DDX60L: variants seen among roughly 807,000 people sequenced by gnomAD.
DDX60L encodes the protein DExD/H-box 60 like.
DDX60L carries 191 observed loss-of-function variants against 211.6 expected under a neutral mutation model. The observed-to-expected ratio is 0.90, with a 90% CI of 0.80 to 1.02. DDX60L has a LOEUF of 1.02. Ranked by LOEUF, DDX60L falls within the 50% of genes least tolerant of loss-of-function variation. The pLI is 0.00. For synonymous variants in DDX60L, 706 were observed against 694.1 expected (o/e 1.02, Z -0.27); for missense variants, 2,007 against 1,984.1 (o/e 1.01, Z -0.22).
chr4:168,371,939 G>A (rs865784727), intron 35 of DDX60L, among the ~76,000 whole-genome samples, 176 bp from the exon 36 acceptor site: 1 of 152,134 alleles, frequency 6.6e-6, no homozygotes, highest in African/African-American at 2.4e-5. Flanking sequence ...GCCCATTACA[G>A]TGAGGGAAAG....
intron 34 of DDX60L, among the ~76,000 whole-genome samples, chr4:168,374,559 C>T (rs577151852): frequency 2.6e-5 from 4 of 152,288 alleles, no homozygotes; most frequent in East Asian, 1.9e-4. Context: ...ATATTTGCAA[C>T]GTCTGCTAGA....
intron 10 of DDX60L, among the ~76,000 whole-genome samples, chr4:168,434,712 T>C (rs543670972): frequency 3.9e-4 from 60 of 152,276 alleles, no homozygotes; most frequent in African/African-American, 1.4e-3. Context: ...GGTCATAGTG[T>C]TCCTAGAAAA....
chr4:168,479,281 C>T (rs1182345676), intron 1 of DDX60L, among the ~76,000 whole-genome samples: 1 of 152,178 alleles, frequency 6.6e-6, no homozygotes, highest in East Asian at 1.9e-4. Context: ...GGAAGCATAA[C>T]TCACCCTCAT....
chr4:168,478,989 A>T (rs1759992063), intron 1 of DDX60L, among the ~76,000 whole-genome samples: 5 of 152,242 alleles, frequency 3.3e-5, no homozygotes, highest in Admixed American at 3.3e-4. Context: ...ACTAAGTAAG[A>T]CTGACAGGTA....
At chr4:168,390,635 G>GT in intron 29 of DDX60L, 2 of 560,764 alleles carry the variant, frequency 3.6e-6, no homozygotes, top group Admixed American at 1.1e-4. Context: ...AAAGATTATT[G>GT]TCAGTTTTTT....
chr4:168,404,252 T>C (rs1747354072), intron 24 of DDX60L, 146 bp from the exon 25 acceptor site: 2 of 467,914 alleles, frequency 4.3e-6, no homozygotes, highest in Non-Finnish European at 7.1e-6. Context: ...TTTAATATTA[T>C]CAAGTAGTGG....
In DDX60L at chr4:168,453,280, C is replaced by T; in HGVS notation, c.840G>A (p.Val280=). The change falls in exon 8 of 38, where the codon GTG becomes GTA. Residue 280 remains valine (V), a splice_region_variant and synonymous_variant. Coordinates refer to ENST00000682922, the MANE Select transcript of DDX60L (RefSeq NM_001012967.3). ...LSLRMYHRVL[V]HSNCLSLQEV... is the part of the protein sequence containing the mutation. Reference sequence around the variant, plus strand: ...CCTGCAGGGATAGGCAATTACTGTGCACCTGCGTACAATAAAGAAGATGAG... The same window carrying T: ...CCTGCAGGGATAGGCAATTACTGTGTACCTGCGTACAATAAAGAAGATGAG... 1 of 1,607,826 alleles carries T rather than the reference C, an allele frequency of 6.2e-7. No individual in the cohort carries two copies. Among genetic ancestry groups the T allele is most frequent in the South Asian group, 1.1e-5 (1 of 89,800 alleles).
chr4:168,392,619 C>T (rs190781365), intron 28 of DDX60L, among the ~76,000 whole-genome samples: 75 of 151,968 alleles, frequency 4.9e-4, no homozygotes, highest in Non-Finnish European at 8.1e-4. Context: ...CAAGGCAGGC[C>T]GATCACCTGA....
intron 12 of DDX60L, 112 bp from the exon 13 acceptor site, chr4:168,430,750 T>C (rs2149936919): frequency 1.0e-5 from 8 of 795,540 alleles, no homozygotes; most frequent in Non-Finnish European, 1.5e-5. Flanking sequence ...TATTTGCCAA[T>C]GAGGTCAGAT....
chr4:168,396,266 C>T (rs1488230353), intron 26 of DDX60L, 142 bp from the exon 27 acceptor site: 2 of 509,238 alleles, frequency 3.9e-6, no homozygotes, highest in Non-Finnish European at 6.9e-6. Flanking sequence ...TCTCCCCTTC[C>T]TCACGTGCAC....
At chr4:168,477,145 G>T (rs1201095306) in intron 1 of DDX60L, among the ~76,000 whole-genome samples, 1 of 152,188 alleles carries the variant, frequency 6.6e-6, no homozygotes, top group African/African-American at 2.4e-5. Context: ...GCTGGGCGCG[G>T]TGGCTCACGT....
At chr4:168,408,004 A>G (rs1468607855) in intron 22 of DDX60L, among the ~76,000 whole-genome samples, 2 of 152,216 alleles carry the variant, frequency 1.3e-5, no homozygotes, top group Admixed American at 6.5e-5. Context: ...GTTGGCAGGG[A>G]CTTCATTTGA....
At chr4:168,447,794 C>T (rs1433146149) in intron 9 of DDX60L, among the ~76,000 whole-genome samples, 31 of 147,824 alleles carry the variant, frequency 2.1e-4, no homozygotes, top group Admixed American at 7.6e-4. Flanking sequence ...AACCAAACAC[C>T]GCATATTCTC....
rs1284844383 is a variant in DDX60L at position 168,456,055 on chromosome 4, A to G, written c.821T>C (p.Met274Thr). The change falls in exon 7 of 38, where the codon ATG becomes ACG. Residue 274 changes from methionine (M) to threonine (T), a missense_variant. Transcript: ENST00000682922. ...CVTSCSLSLR[M>T]YHRVLVHSNC... ...TTTACTTACTAAGACACGATGGTAC[A>G]TTCTCAAGGATAGTGAACATGAAGT... 2 of 1,588,338 alleles carry G rather than the reference A, an allele frequency of 1.3e-6. No homozygotes were observed. Among genetic ancestry groups the G allele is most frequent in the South Asian group, 1.2e-5 (1 of 85,552 alleles).
chr4:168,468,330 G>A (rs185936354), intron 4 of DDX60L, among the ~76,000 whole-genome samples: 1 of 152,122 alleles, frequency 6.6e-6, no homozygotes, highest in African/African-American at 2.4e-5. Context: ...ATAAAAGATT[G>A]AATTAATATT....
chr4:168,433,449 G>GA (rs1206558476), intron 10 of DDX60L, among the ~76,000 whole-genome samples: 4 of 151,850 alleles, frequency 2.6e-5, no homozygotes, highest in Non-Finnish European at 5.9e-5. Context: ...AACAGCACTT[G>GA]AAAAAAGAAG....
At chr4:168,480,244 G>C (rs1760255006) in intron 1 of DDX60L, 133 bp downstream of exon 1, 1 of 152,718 alleles carries the variant, frequency 6.5e-6, no homozygotes, top group South Asian at 2.1e-4. Flanking sequence ...AGCTTCCCTC[G>C]CCCGGCGCGC....
In DDX60L at chr4:168,476,461, C is replaced by T. The variant is rs538512794; in HGVS notation, c.-110-3652G>A. ...TGATGCCATCTATGTGAACTCTTAA[C>T]AAAAATATAAAAAATTAAAAAGAAC... is the stretch of plus-strand genomic sequence containing the variant. On this transcript the variant is annotated intron_variant, in intron 1 of 37. Coordinates refer to ENST00000682922, the MANE Select transcript of DDX60L (RefSeq NM_001012967.3). Among the ~76,000 whole-genome samples the T allele has an allele frequency of 7.2e-5, 11 of 151,784 alleles. No homozygotes were observed. The South Asian group carries it at 2.3e-3, about 32-fold the overall frequency.
chr4:168,433,195 C>A, intron 10 of DDX60L, 80 bp from the exon 11 acceptor site: 1 of 934,214 alleles, frequency 1.1e-6, no homozygotes, highest in Non-Finnish European at 1.6e-6. Flanking sequence ...TTTAAAATTT[C>A]AAATGCATAA....
Sources: gnomAD v4.1 joint callset for allele counts (sites outside exome capture counted in the v4.1 genomes callset) on GRCh38, gnomAD v4.1.1 for gene constraint, MANE v1.5 for transcripts, NCBI Gene and HGNC (gene_info 2026-07-23, HGNC 2026-07-21) for gene names.